PHGR1: variants seen among roughly 807,000 people sequenced by gnomAD.
PHGR1 encodes proline, histidine and glycine rich 1.
PHGR1 carries 3 observed loss-of-function variants against 4.9 expected under a neutral mutation model. That is an observed-to-expected ratio of 0.61 (90% confidence interval 0.28 to 1.58). PHGR1 has a LOEUF of 1.58. Among genes scored for constraint, PHGR1 ranks in the 40% most tolerant of loss-of-function variants. The pLI, the probability that PHGR1 is intolerant of heterozygous loss-of-function variation, is 0.11. For synonymous variants in PHGR1, 32 were observed against 46.1 expected (o/e 0.69, Z 1.24); for missense variants, 81 against 118.7 (o/e 0.68, Z 1.48).
At chr15:40,354,274 A>G in intron 2 of PHGR1, 71 bp from the exon 3 acceptor site, 1 of 1,500,680 alleles carries the variant, frequency 6.7e-7, no homozygotes, top group South Asian at 1.2e-5. Flanking sequence ...GCCAGGGAGA[A>G]GACAGGTTTT....
At chr15:40,355,330 C>T (rs923472296) in intron 3 of PHGR1, among the ~76,000 whole-genome samples, 5 of 152,104 alleles carry the variant, frequency 3.3e-5, no homozygotes, top group African/African-American at 4.8e-5. Flanking sequence ...GTCTGGCATC[C>T]GCTCAGGAAC....
chr15:40,354,409 A>AC, intron 3 of PHGR1, 57 bp downstream of exon 3: 1 of 1,494,368 alleles, frequency 6.7e-7, no homozygotes, highest in Non-Finnish European at 9.0e-7. Flanking sequence ...TGTCCTCCAG[A>AC]CCCCTAGCCT....
At chr15:40,355,017 T>C (rs1889268277) in intron 3 of PHGR1, among the ~76,000 whole-genome samples, 1 of 152,040 alleles carries the variant, frequency 6.6e-6, no homozygotes, top group Admixed American at 6.5e-5. Context: ...AATCAAGCCC[T>C]AGGAGGCAGA....
At position 40,356,190 on chromosome 15, in the gene PHGR1, C is replaced by A; in HGVS notation, c.136C>A (p.Pro46Thr). 6.9e-7 allele frequency: 1 copy of A among 1,454,464 alleles called. No individual in the cohort carries two copies. Among genetic ancestry groups the A allele is most frequent in the South Asian group, 1.3e-5 (1 of 75,548 alleles). 90.1% of individuals were successfully genotyped at this position (1,454,464 alleles called of 1,614,324 possible). Residue 46 changes from proline to threonine, a missense_variant, in exon 4 of 4, where the codon CCC (proline) becomes ACC (threonine). Pro to Thr is a conservative substitution (Grantham distance 38). Transcript: ENST00000448599. ...CCATGGTCCAGGGCCCTGCGGGCCA[C>A]CCCCTGGCCATGGCCCAGGGCCCTG... is the stretch of plus-strand genomic sequence containing the variant. The part of the protein sequence containing the change: ...PHHGPGPCGP[P>T]PGHGPGPCGP...
intron 2 of PHGR1, chr15:40,353,520 C>T: frequency 2.0e-6 from 1 of 504,410 alleles, no homozygotes; most frequent in East Asian, 3.4e-5. Context: ...TCTCCCACCG[C>T]ACACTCAAGG....
At position 40,356,148 on chromosome 15, in the gene PHGR1, T is replaced by G. The variant is rs1186297149; in HGVS notation, c.94T>G (p.Cys32Gly). The part of the protein sequence containing the change: ...GPPPGHGPGP[C>G]GPPPHHGPGP... ...ACCCCCTGGCCATGGCCCAGGGCCC[T>G]GCGGGCCACCCCCCCACCATGGTCC... Residue 32 changes from cysteine to glycine, a missense_variant, in exon 4 of 4, where the codon TGC (cysteine) becomes GGC (glycine). Cys to Gly is a radical substitution (Grantham distance 159). Coordinates refer to ENST00000448599, the MANE Select transcript of PHGR1 (RefSeq NM_001145643.2). 6 of 1,536,912 alleles carry G rather than the reference T, an allele frequency of 3.9e-6. No homozygotes were observed.
chr15:40,355,976 C>T, intron 3 of PHGR1, 97 bp from the exon 4 acceptor site: 1 of 1,310,810 alleles, frequency 7.6e-7, no homozygotes, highest in Non-Finnish European at 1.1e-6. Flanking sequence ...GCCTAGAAAT[C>T]CTGAGTCCCC....
At chr15:40,355,627 C>T (rs2141255633) in intron 3 of PHGR1, among the ~76,000 whole-genome samples, 1 of 152,054 alleles carries the variant, frequency 6.6e-6, no homozygotes, top group Middle Eastern at 3.4e-3. Flanking sequence ...TCCTGTCTCC[C>T]CCTGCCCCTG....
chr15:40,353,169 G>C lies in PHGR1; in HGVS notation c.-26-63G>C, dbSNP rs1343195439. On this transcript the variant is annotated intron_variant, in intron 1 of 3. Coordinates refer to ENST00000448599, the MANE Select transcript of PHGR1 (RefSeq NM_001145643.2). ...TGTGCGCGCGCGCGCGCATCCGTGG[G>C]AGGGAGAAAGGAAAGACTGCAATTT... 1.1e-5 allele frequency: 16 copies of C among 1,485,202 alleles called. No individual in the cohort carries two copies. In the Middle Eastern group the frequency reaches 8.6e-4, roughly 80 times the overall value. 92.0% of individuals were successfully genotyped at this position (1,485,202 alleles called of 1,614,324 possible).
chr15:40,355,944 C>A (rs1889287184), intron 3 of PHGR1, 129 bp from the exon 4 acceptor site: 1 of 953,330 alleles, frequency 1.0e-6, no homozygotes, highest in Middle Eastern at 2.1e-4. Context: ...TGCCCCCAGC[C>A]CTCCACCGCA....
Position 40,356,055 on chromosome 15 carries a change from T to C in PHGR1, c.19-18T>C. 1 of 1,548,596 alleles carries C rather than the reference T, an allele frequency of 6.5e-7. No individual in the cohort carries two copies. Among genetic ancestry groups the C allele is most frequent in the Non-Finnish European group, 8.7e-7 (1 of 1,145,612 alleles). On this transcript the variant is annotated intron_variant, in intron 3 of 3. Transcript: ENST00000448599. The stretch of plus-strand genomic sequence containing the variant: ...CCCTGACCTCTGACTCTGACATTGT[T>C]CATTTGACTTTCCACAGGGGCACTG...
rs546484394 is a variant in PHGR1 at position 40,351,644 on chromosome 15, G to A, written c.-27+582G>A. 3.0e-4 allele frequency among the ~76,000 whole-genome samples: 46 copies of A among 152,324 alleles called. No individual in the cohort carries two copies. The East Asian group carries it at 8.7e-3, about 29-fold the overall frequency. ...TAGCTCAAGAGGTGCAGGGGGCCGGGTGCAGTGGCTCATGCCTGAAATCCA... is the reference window on the plus strand; with the variant it reads ...TAGCTCAAGAGGTGCAGGGGGCCGGATGCAGTGGCTCATGCCTGAAATCCA... On this transcript the variant is annotated intron_variant, in intron 1 of 3. Coordinates refer to ENST00000448599, the MANE Select transcript of PHGR1 (RefSeq NM_001145643.2).
intron 1 of PHGR1, 96 bp from the exon 2 acceptor site, chr15:40,353,131 GTGTGT>G: frequency 1.1e-6 from 1 of 889,462 alleles, no homozygotes; most frequent in Non-Finnish European, 1.8e-6. Flanking sequence ...GTGTGTGTGT[GTGTGT>G]GTGTGTGTGT....
At chr15:40,355,942 G>A (rs761110840) in intron 3 of PHGR1, 131 bp from the exon 4 acceptor site, 1 of 936,848 alleles carries the variant, frequency 1.1e-6, no homozygotes, top group Non-Finnish European at 1.7e-6. Context: ...CATGCCCCCA[G>A]CCCTCCACCG....
At chr15:40,355,201 C>A (rs1889273749) in intron 3 of PHGR1, among the ~76,000 whole-genome samples, 1 of 152,136 alleles carries the variant, frequency 6.6e-6, no homozygotes, top group African/African-American at 2.4e-5. Context: ...CTCCCCTGGC[C>A]TTGGGACTTC....
rs1889278973 is a variant in PHGR1 at position 40,355,511 on chromosome 15, A to C, written c.19-562A>C. Reference sequence around the variant, plus strand: ...ACACATACACACTACCTATAAAAAGAATACATACATCCTCACCTTGCCACC... The same window carrying C: ...ACACATACACACTACCTATAAAAAGCATACATACATCCTCACCTTGCCACC... On this transcript the variant is annotated intron_variant, in intron 3 of 3. Coordinates refer to ENST00000448599, the MANE Select transcript of PHGR1 (RefSeq NM_001145643.2). Among the ~76,000 whole-genome samples, 3 of 152,126 alleles carry C rather than the reference A, an allele frequency of 2.0e-5. No homozygotes were observed. In the South Asian group the frequency reaches 6.2e-4, roughly 32 times the overall value.
intron 3 of PHGR1, among the ~76,000 whole-genome samples, chr15:40,355,127 G>C (rs898418087): frequency 1.3e-5 from 2 of 151,554 alleles, no homozygotes; most frequent in African/African-American, 2.4e-5. Flanking sequence ...AAGCAAGGTG[G>C]TATCTCTTGC....
chr15:40,355,599 ATCTCCCC>A, intron 3 of PHGR1, among the ~76,000 whole-genome samples: 1 of 151,360 alleles, frequency 6.6e-6, no homozygotes, highest in South Asian at 2.1e-4. Flanking sequence ...CAGCTCTTTC[ATCTCCCC>A]TGACCCAGCC....
chr15:40,356,363 G>C lies in PHGR1; in HGVS notation c.*60G>C. On this transcript the variant is annotated 3_prime_UTR_variant, in exon 4 of 4. Coordinates refer to ENST00000448599, the MANE Select transcript of PHGR1 (RefSeq NM_001145643.2). ...CCTGAGAGAATTGCCCAGCTGACCTGGAATGAGGCCTAAACCACAATCTTC... is the reference window on the plus strand; with the variant it reads ...CCTGAGAGAATTGCCCAGCTGACCTCGAATGAGGCCTAAACCACAATCTTC... 6.5e-7 allele frequency: 1 copy of C among 1,549,406 alleles called. No individual in the cohort carries two copies. The highest frequency in any genetic ancestry group is 8.7e-7 in the Non-Finnish European group (1 of 1,146,312).
Sources: gnomAD v4.1 joint callset for allele counts (sites outside exome capture counted in the v4.1 genomes callset) on GRCh38, gnomAD v4.1.1 for gene constraint, MANE v1.5 for transcripts, NCBI Gene and HGNC (gene_info 2026-07-23, HGNC 2026-07-21) for gene names.